The following CDK7 variants were observed in gnomAD, a reference collection of about 807,000 sequenced individuals.
CDK7 encodes cyclin-dependent kinase 7.
In CDK7, 25 loss-of-function variants were observed where a neutral mutation model predicts 49.1. That is an observed-to-expected ratio of 0.51 (90% CI 0.37 to 0.71). The LOEUF (loss-of-function observed/expected upper bound fraction) is 0.71, where lower values mean the gene tolerates loss of function less well. Ranked by LOEUF, CDK7 falls within the 30% of genes least tolerant of loss-of-function variation. The probability of loss-of-function intolerance (pLI) is 0.00; values close to 1 mark genes in which losing one functional copy is unlikely to be tolerated. For synonymous variants in CDK7, 107 were observed against 140.0 expected, an observed-to-expected ratio of 0.76 and a Z score of 1.67; for missense variants, 316 against 411.7, an observed-to-expected ratio of 0.77 and a Z score of 2.01.
At chr5:69,276,466 A>G in intron 10 of CDK7, 77 bp from the exon 11 acceptor site, 1 of 1,320,724 alleles carries the variant, frequency 7.6e-7, no homozygotes, top group Non-Finnish European at 1.1e-6. Flanking sequence ...TGCTCCCTAT[A>G]ATCTTGAAGG....
intron 2 of CDK7, among the ~76,000 whole-genome samples, chr5:69,241,121 A>G (rs1162804360): frequency 1.3e-5 from 2 of 152,128 alleles, no homozygotes; most frequent in Admixed American, 1.3e-4. Flanking sequence ...TTGCTAGATC[A>G]AATGATAGTT....
At chr5:69,259,766 A>G in intron 6 of CDK7, 52 bp from the exon 7 acceptor site, 2 of 1,116,608 alleles carry the variant, frequency 1.8e-6, no homozygotes, top group South Asian at 1.3e-5. Flanking sequence ...GTAGCACTAC[A>G]GTGTTCTCCC....
intron 2 of CDK7, among the ~76,000 whole-genome samples, chr5:69,244,040 G>A (rs1263052055): frequency 7.0e-6 from 1 of 143,570 alleles, no homozygotes; most frequent in Non-Finnish European, 1.5e-5. Context: ...CACTATGTTG[G>A]CCAGACTAGT....
At chr5:69,254,717 T>C (rs1194439838) in intron 4 of CDK7, 48 bp downstream of exon 4, 4 of 961,458 alleles carry the variant, frequency 4.2e-6, no homozygotes, top group Middle Eastern at 2.1e-4. Context: ...CTGCCTTTTC[T>C]TAATATAATG....
In CDK7 at chr5:69,272,909, A is replaced by G; in HGVS notation, c.732A>G (p.Pro244=). 6.3e-7 allele frequency: 1 copy of G among 1,591,056 alleles called. No individual in the cohort carries two copies. Among genetic ancestry groups the G allele is most frequent in the Non-Finnish European group, 8.6e-7 (1 of 1,166,874 alleles). The change falls in exon 10 of 12, where the codon CCA becomes CCG. Residue 244 remains proline (P), a synonymous_variant. Coordinates refer to ENST00000256443, the MANE Select transcript of CDK7 (RefSeq NM_001799.4). ...TTTTACAGGACATGTGTAGTCTTCC[A>G]GATTATGTGACATTTAAGAGTTTCC... is the stretch of plus-strand genomic sequence containing the variant. ...EEQWPDMCSL[P]DYVTFKSFPG... is the part of the protein sequence containing the mutation.
chr5:69,235,284 C>T (rs1189741426), intron 1 of CDK7, 110 bp from the exon 2 acceptor site: 1 of 887,028 alleles, frequency 1.1e-6, no homozygotes, highest in Non-Finnish European at 1.8e-6. Context: ...TTCCAGCCGC[C>T]GCGAGTCTGC....
chr5:69,251,615 C>T (rs150491632), intron 2 of CDK7, among the ~76,000 whole-genome samples: 6 of 152,238 alleles, frequency 3.9e-5, no homozygotes, highest in East Asian at 3.9e-4. Context: ...TCATGGCTCA[C>T]TGTAGCCTGG....
chr5:69,248,525 A>G (rs1043659445), intron 2 of CDK7, among the ~76,000 whole-genome samples: 1 of 151,468 alleles, frequency 6.6e-6, no homozygotes, highest in Non-Finnish European at 1.5e-5. Context: ...AGTAGCTGGG[A>G]TTATAGTCAT....
At chr5:69,255,047 G>T (rs543655164) in intron 4 of CDK7, among the ~76,000 whole-genome samples, 1 of 152,256 alleles carries the variant, frequency 6.6e-6, no homozygotes, top group African/African-American at 2.4e-5. Flanking sequence ...CTAGCCAATT[G>T]AATAGATGTA....
At chr5:69,246,486 TGG>T (rs1181292645) in intron 2 of CDK7, among the ~76,000 whole-genome samples, 4 of 152,058 alleles carry the variant, frequency 2.6e-5, no homozygotes, top group Non-Finnish European at 5.9e-5. Context: ...AAAGTGCACT[TGG>T]GAGAGATCCA....
At chr5:69,236,370 C>T (rs1483471841) in intron 2 of CDK7, among the ~76,000 whole-genome samples, 5 of 152,062 alleles carry the variant, frequency 3.3e-5, no homozygotes, top group Non-Finnish European at 7.4e-5. Context: ...GTACCTGAGA[C>T]TGAGTGACTA....
At chr5:69,272,855 T>TA in intron 9 of CDK7, 37 bp from the exon 10 acceptor site, 1 of 1,444,146 alleles carries the variant, frequency 6.9e-7, no homozygotes, top group South Asian at 1.4e-5. Flanking sequence ...TATATGCCTT[T>TA]AATCCTTAAG....
At chr5:69,252,592 C>T in intron 3 of CDK7, 141 bp downstream of exon 3, 2 of 580,888 alleles carry the variant, frequency 3.4e-6, no homozygotes, top group Non-Finnish European at 3.0e-6. Context: ...TCACTGCAGC[C>T]TCAAACTTAG....
intron 10 of CDK7, among the ~76,000 whole-genome samples, chr5:69,273,793 G>T (rs889827999): frequency 1.3e-5 from 2 of 152,016 alleles, no homozygotes; most frequent in African/African-American, 4.8e-5. Flanking sequence ...TTCTCTTTAG[G>T]TTTGTTCCAG....
At chr5:69,248,608 G>C (rs1210462281) in intron 2 of CDK7, among the ~76,000 whole-genome samples, 1 of 151,888 alleles carries the variant, frequency 6.6e-6, no homozygotes, top group East Asian at 1.9e-4. Flanking sequence ...GGCTGGTCTT[G>C]AATTCCCTAC....
chr5:69,275,784 G>A (rs1057453238), intron 10 of CDK7, among the ~76,000 whole-genome samples: 3 of 152,106 alleles, frequency 2.0e-5, no homozygotes, highest in Non-Finnish European at 4.4e-5. Context: ...GACAAGCCTG[G>A]CCAATATAGC....
intron 2 of CDK7, among the ~76,000 whole-genome samples, chr5:69,248,007 T>G (rs920362981): frequency 2.0e-5 from 3 of 152,222 alleles, no homozygotes; most frequent in Admixed American, 2.0e-4. Context: ...TATTATGTGT[T>G]TTTCTGTGTA....
intron 1 of CDK7, 114 bp downstream of exon 1, chr5:69,235,155 T>TG: frequency 9.7e-7 from 1 of 1,035,730 alleles, no homozygotes; most frequent in Non-Finnish European, 1.5e-6. Flanking sequence ...TCGTTCTCGT[T>TG]GGGGGAAACC....
At chr5:69,276,989 A>G in intron 11 of CDK7, 118 bp from the exon 12 acceptor site, 1 of 869,826 alleles carries the variant, frequency 1.1e-6, no homozygotes, top group Non-Finnish European at 1.8e-6. Context: ...GCTACTGGAA[A>G]AAATGTGTCA....
Sources: allele counts gnomAD v4.1 joint callset (sites outside exome capture counted in the v4.1 genomes callset), GRCh38; gene constraint gnomAD v4.1.1; transcripts MANE v1.5; gene names NCBI Gene and HGNC (gene_info 2026-07-23, HGNC 2026-07-21).